SEMA3E: variants seen among roughly 807,000 people sequenced by gnomAD.
SEMA3E encodes semaphorin 3E, also known as semaphorin-3E.
In SEMA3E, 49 loss-of-function variants were observed where a neutral mutation model predicts 93.6. The ratio of observed to expected loss-of-function variants is 0.52; its 90% confidence interval spans 0.42 to 0.66. SEMA3E has a LOEUF of 0.66. Ranked by LOEUF, SEMA3E falls within the 30% of genes least tolerant of loss-of-function variation. SEMA3E has a pLI of 0.00. For missense variants in SEMA3E, 906 were observed against 964.8 expected (o/e 0.94, Z 0.81); for synonymous variants, 363 against 330.7 (o/e 1.10, Z -1.06).
chr7:83,500,793 G>A (rs2115600091), intron 1 of SEMA3E, among the ~76,000 whole-genome samples: 3 of 151,940 alleles, frequency 2.0e-5, no homozygotes, highest in African/African-American at 7.2e-5. Context: ...GTTTCACCAT[G>A]TTGGTCAGGC....
At chr7:83,429,537 T>A (rs148457096) in intron 4 of SEMA3E, among the ~76,000 whole-genome samples, 2 of 152,298 alleles carry the variant, frequency 1.3e-5, no homozygotes, top group East Asian at 3.9e-4. Context: ...TGGAAAAACA[T>A]CATTTGCTGC....
chr7:83,522,604 C>T (rs2109544), intron 1 of SEMA3E, among the ~76,000 whole-genome samples: 81,980 of 151,878 alleles, frequency 0.54, 24,082 homozygotes, highest in Middle Eastern at 0.71. Context: ...ACTTCCTTAA[C>T]AAATCATTTG....
chr7:83,397,030 A>G (rs1434915699), intron 11 of SEMA3E, among the ~76,000 whole-genome samples: 1 of 151,874 alleles, frequency 6.6e-6, no homozygotes, highest in East Asian at 1.9e-4. Context: ...TGCAGTGGGC[A>G]AGATCATGAC....
At chr7:83,530,093 T>C (rs1483636341) in intron 1 of SEMA3E, among the ~76,000 whole-genome samples, 1 of 152,150 alleles carries the variant, frequency 6.6e-6, no homozygotes, top group Non-Finnish European at 1.5e-5. Flanking sequence ...CAAAAGAGAA[T>C]CATTGATGAG....
chr7:83,485,013 A>G (rs1724381244), intron 2 of SEMA3E, among the ~76,000 whole-genome samples: 1 of 152,286 alleles, frequency 6.6e-6, no homozygotes, highest in South Asian at 2.1e-4. Context: ...GTATAACCAC[A>G]TTGGAAAGCT....
At chr7:83,481,557 G>A (rs987385905) in intron 2 of SEMA3E, among the ~76,000 whole-genome samples, 10 of 152,032 alleles carry the variant, frequency 6.6e-5, no homozygotes, top group Non-Finnish European at 8.8e-5. Flanking sequence ...ATTAGATAAC[G>A]CAAATGGAGT....
At chr7:83,603,662 T>G (rs1038409811) in intron 1 of SEMA3E, among the ~76,000 whole-genome samples, 1 of 152,146 alleles carries the variant, frequency 6.6e-6, no homozygotes, top group Admixed American at 6.6e-5. Context: ...GAGATAGATA[T>G]AGTTTTATTT....
intron 4 of SEMA3E, among the ~76,000 whole-genome samples, chr7:83,441,179 T>C (rs1487057231): frequency 6.6e-6 from 1 of 152,200 alleles, no homozygotes; most frequent in Non-Finnish European, 1.5e-5. Flanking sequence ...AGTTTATGGA[T>C]ACAGCCAAAA....
chr7:83,454,215 G>T (rs1286137832), intron 4 of SEMA3E, among the ~76,000 whole-genome samples: 1 of 128,206 alleles, frequency 7.8e-6, no homozygotes, highest in East Asian at 2.5e-4. Flanking sequence ...CCGAGATGGC[G>T]CCACTGCACT....
intron 4 of SEMA3E, among the ~76,000 whole-genome samples, chr7:83,454,933 C>T (rs1789450389): frequency 1.3e-5 from 2 of 152,108 alleles, no homozygotes; most frequent in Non-Finnish European, 2.9e-5. Context: ...TGTGGGCTAC[C>T]TTTTAAAAAC....
At chr7:83,406,728 C>T (rs1788337316) in intron 7 of SEMA3E, among the ~76,000 whole-genome samples, 1 of 151,848 alleles carries the variant, frequency 6.6e-6, no homozygotes, top group African/African-American at 2.4e-5. Flanking sequence ...TAATTTTAAC[C>T]AACCGAATTG....
At chr7:83,370,068 T>C (rs1479189305) in intron 16 of SEMA3E, among the ~76,000 whole-genome samples, 1 of 152,176 alleles carries the variant, frequency 6.6e-6, no homozygotes, top group Non-Finnish European at 1.5e-5. Context: ...CTCATTACCT[T>C]AAGGTGCAAT....
At chr7:83,402,855 T>C in intron 9 of SEMA3E, 79 bp from the exon 10 acceptor site, 1 of 1,400,838 alleles carries the variant, frequency 7.1e-7, no homozygotes, top group Non-Finnish European at 9.9e-7. Flanking sequence ...CCTACAAAGA[T>C]AAGAGTCAAG....
intron 16 of SEMA3E, among the ~76,000 whole-genome samples, chr7:83,383,502 A>T (rs762908249): frequency 4.6e-5 from 7 of 151,964 alleles, no homozygotes; most frequent in African/African-American, 7.2e-5. Context: ...TGAATAAATC[A>T]ATCCGTATAT....
intron 1 of SEMA3E, among the ~76,000 whole-genome samples, chr7:83,619,166 A>G (rs796326315): frequency 4.0e-5 from 6 of 151,874 alleles, no homozygotes; most frequent in African/African-American, 1.2e-4. Context: ...TGTTCTTATT[A>G]TGTATTAAAT....
In SEMA3E at chr7:83,364,127, C is replaced by G. The variant is rs1392819432; in HGVS notation, c.*3459G>C. 1.3e-5 allele frequency: 2 copies of G among 151,570 alleles called. No individual in the cohort carries two copies. The highest frequency in any genetic ancestry group is 2.9e-5 in the Non-Finnish European group (2 of 67,894). 9.4% of individuals were successfully genotyped at this position (151,570 alleles called of 1,614,324 possible). A position where few individuals can be genotyped will look rare whatever the true frequency, so the allele number is the denominator to read the frequency against. ...GCCAGGATGGTCTCGATCTCCTGAC[C>G]TCATGATCCACCCGCCTCGGCCTCC... On this transcript the variant is annotated 3_prime_UTR_variant, in exon 17 of 17. Transcript: ENST00000643230.
intron 4 of SEMA3E, among the ~76,000 whole-genome samples, chr7:83,437,826 G>A (rs1562782605): frequency 6.6e-6 from 1 of 152,104 alleles, no homozygotes; most frequent in Non-Finnish European, 1.5e-5. Flanking sequence ...AGAAAGCAAG[G>A]AAACTATTAA....
At chr7:83,387,096 C>A (rs917157851) in intron 14 of SEMA3E, 46 bp from the exon 15 acceptor site, 1 of 1,562,102 alleles carries the variant, frequency 6.4e-7, no homozygotes, top group Non-Finnish European at 8.8e-7. Flanking sequence ...TTCAATTTTC[C>A]AGACTTTAAA....
At chr7:83,639,947 C>T (rs1023929765) in intron 1 of SEMA3E, among the ~76,000 whole-genome samples, 11 of 152,082 alleles carry the variant, frequency 7.2e-5, no homozygotes, top group African/African-American at 1.4e-4. Flanking sequence ...TCATAATAAA[C>T]TTTGTGACTC....
Sources: gnomAD v4.1 joint callset for allele counts (sites outside exome capture counted in the v4.1 genomes callset) on GRCh38, gnomAD v4.1.1 for gene constraint, MANE v1.5 for transcripts, NCBI Gene and HGNC (gene_info 2026-07-23, HGNC 2026-07-21) for gene names.